The following WDR64 variants were observed in gnomAD, a reference collection of about 807,000 sequenced individuals.
WDR64 encodes WD repeat-containing protein 64.
In WDR64, 112 loss-of-function variants were observed where a neutral mutation model predicts 139.3. The observed-to-expected ratio is 0.80, with a 90% confidence interval of 0.69 to 0.94. WDR64 has a LOEUF of 0.94. Among genes scored for constraint, WDR64 ranks in the 40% least tolerant of loss-of-function variants. The pLI is 0.00. For synonymous variants in WDR64, 444 were observed against 437.7 expected, an observed-to-expected ratio of 1.01 and a Z score of -0.18; for missense variants, 1,206 against 1,293.1, an observed-to-expected ratio of 0.93 and a Z score of 1.03.
At chr1:241,653,543 CTTTT>C (rs33934176) in intron 1 of WDR64, among the ~76,000 whole-genome samples, 6 of 137,120 alleles carry the variant, frequency 4.4e-5, no homozygotes, top group East Asian at 2.1e-4. Flanking sequence ...CTTTTCTTTT[CTTTT>C]TTTTTTTTTT....
At chr1:241,658,284 GGTGTGTGTGTGT>G (rs56011225) in intron 1 of WDR64, among the ~76,000 whole-genome samples, 1 of 147,164 alleles carries the variant, frequency 6.8e-6, no homozygotes, top group African/African-American at 2.5e-5. Flanking sequence ...TTCAAGCAAT[GGTGTGTGTGTGT>G]GTGTGTGTGT....
rs12036401 is a variant in WDR64 at position 241,687,604 on chromosome 1, A to G, written c.974+9A>G. On this transcript the variant is annotated intron_variant, in intron 8 of 27. Coordinates refer to ENST00000437684, the MANE Select transcript of WDR64 (RefSeq NM_001367482.1). The stretch of plus-strand genomic sequence containing the variant: ...AGACTCGAGGATAATTTGTAAGTAT[A>G]GTAATTTATATACATGAACAGTCTG... The G allele has an allele frequency of 3.7e-5, 60 of 1,608,878 alleles. No individual in the cohort carries two copies. In the East Asian group the frequency reaches 1.3e-3, roughly 35 times the overall value.
chr1:241,692,864 C>G (rs1667351143), intron 8 of WDR64, among the ~76,000 whole-genome samples: 1 of 152,028 alleles, frequency 6.6e-6, no homozygotes, highest in African/African-American at 2.4e-5. Flanking sequence ...AAATAAGATA[C>G]CAGTACATAC....
rs189154427 is a variant in WDR64 at position 241,682,998 on chromosome 1, T to A, written c.625-489T>A. Among the ~76,000 whole-genome samples the A allele has an allele frequency of 9.8e-5, 15 of 152,312 alleles. No homozygotes were observed. The East Asian group carries it at 2.9e-3, about 29-fold the overall frequency. ...GAAGAGCAATAGCTGTATAGCTTAG[T>A]GGCCCCATTCAATAGTACAAAATAA... On this transcript the variant is annotated intron_variant, in intron 6 of 27. Coordinates refer to ENST00000437684, the MANE Select transcript of WDR64 (RefSeq NM_001367482.1).
intron 2 of WDR64, among the ~76,000 whole-genome samples, chr1:241,667,306 C>A (rs930457087): frequency 2.0e-5 from 3 of 152,132 alleles, no homozygotes; most frequent in African/African-American, 7.2e-5. Context: ...GTCTACTTTG[C>A]GTAAGTCCTT....
In WDR64 at chr1:241,703,825, G is replaced by A. The variant is rs1264424958; in HGVS notation, c.975-7977G>A. ...TACAATCATGGCGGAAGGTGAAAGGGAAGCAAGGACCTTCTTCACATGATG... is the reference window on the plus strand; with the variant it reads ...TACAATCATGGCGGAAGGTGAAAGGAAAGCAAGGACCTTCTTCACATGATG... On this transcript the variant is annotated intron_variant, in intron 8 of 27. Transcript: ENST00000437684. This position sits in a 1 kb window ranked among gnomAD's most constrained non-coding sequence, Gnocchi z 5.9. Among the ~76,000 whole-genome samples the A allele has an allele frequency of 1.3e-5, 2 of 152,146 alleles. No homozygotes were observed. The highest frequency in any genetic ancestry group is 2.9e-5 in the Non-Finnish European group (2 of 68,024).
chr1:241,795,292 G>C lies in WDR64; in HGVS notation c.3078+5G>C, dbSNP rs1659331785. 6.2e-7 allele frequency: 1 copy of C among 1,611,060 alleles called. No individual in the cohort carries two copies. Among genetic ancestry groups the C allele is most frequent in the African/African-American group, 1.3e-5 (1 of 74,832 alleles). On this transcript the variant is annotated splice_donor_5th_base_variant and intron_variant, in intron 26 of 27. Coordinates refer to ENST00000437684, the MANE Select transcript of WDR64 (RefSeq NM_001367482.1). ...GGCTCTCTGCCTATATACAGTGTGAGTTGGAGTTTCTAGGAGTAGAGGGGT... is the reference window on the plus strand; with the variant it reads ...GGCTCTCTGCCTATATACAGTGTGACTTGGAGTTTCTAGGAGTAGAGGGGT...
chr1:241,699,399 A>G (rs1041358075), intron 8 of WDR64, among the ~76,000 whole-genome samples: 16 of 152,212 alleles, frequency 1.1e-4, no homozygotes, highest in Non-Finnish European at 2.2e-4. Context: ...GAATTACTAA[A>G]TTTAAGACAC....
chr1:241,728,610 C>T (rs1382714518), intron 10 of WDR64, among the ~76,000 whole-genome samples: 1 of 152,126 alleles, frequency 6.6e-6, no homozygotes, highest in Non-Finnish European at 1.5e-5. Context: ...CTTTCTTCCC[C>T]AACTGCTAAA....
At chr1:241,670,232 AT>A (rs199829964) in intron 2 of WDR64, among the ~76,000 whole-genome samples, 13 of 151,462 alleles carry the variant, frequency 8.6e-5, no homozygotes, top group East Asian at 3.9e-4. Flanking sequence ...CTTCCTCACA[AT>A]TTTTTTTTCA....
intron 27 of WDR64, among the ~76,000 whole-genome samples, chr1:241,797,849 G>A (rs1054104941): frequency 1.3e-5 from 2 of 150,646 alleles, no homozygotes; most frequent in Non-Finnish European, 3.0e-5. Flanking sequence ...TTTTCTGCAC[G>A]ACTCTGTGCA....
At chr1:241,689,391 C>T (rs937636710) in intron 8 of WDR64, among the ~76,000 whole-genome samples, 4 of 151,960 alleles carry the variant, frequency 2.6e-5, no homozygotes, top group Non-Finnish European at 5.9e-5. Context: ...TAAAAAGATG[C>T]AGAAAGATAT....
chr1:241,790,720 A>G (rs1173532909), intron 25 of WDR64, 24 bp downstream of exon 25: 3 of 1,344,308 alleles, frequency 2.2e-6, no homozygotes, highest in Non-Finnish European at 2.1e-6. Context: ...AAAAAAAAAA[A>G]AGAAATGGCA....
At chr1:241,730,685 TTAATATGTCAAC>T (rs1401190486) in intron 10 of WDR64, among the ~76,000 whole-genome samples, 1 of 152,212 alleles carries the variant, frequency 6.6e-6, no homozygotes, top group Non-Finnish European at 1.5e-5. Context: ...TTCTACTGCA[TTAATATGTCAAC>T]CAATATATGA....
intron 10 of WDR64, among the ~76,000 whole-genome samples, chr1:241,732,407 C>T (rs1669119312): frequency 6.6e-6 from 1 of 152,112 alleles, no homozygotes; most frequent in African/African-American, 2.4e-5. Context: ...TCTGTAACAC[C>T]TAGGCTAGAA....
intron 8 of WDR64, among the ~76,000 whole-genome samples, chr1:241,706,048 A>G (rs1249883582): frequency 6.6e-6 from 1 of 152,180 alleles, no homozygotes; most frequent in Non-Finnish European, 1.5e-5. Flanking sequence ...CTGTCTTAGG[A>G]AAAATTTAGT....
chr1:241,761,125 T>C (rs973357039), intron 15 of WDR64, among the ~76,000 whole-genome samples: 2 of 152,172 alleles, frequency 1.3e-5, no homozygotes, highest in South Asian at 2.1e-4. Context: ...GTGTATATTA[T>C]AGTCAAAACT....
chr1:241,670,965 G>A (rs1666203309), intron 2 of WDR64, 109 bp from the exon 3 acceptor site: 2 of 735,184 alleles, frequency 2.7e-6, no homozygotes, highest in African/African-American at 3.6e-5. Flanking sequence ...AAAGCAGGGT[G>A]CTGGCTGTTA....
At chr1:241,796,393 G>A (rs371071405) in intron 27 of WDR64, 23 bp downstream of exon 27, 26 of 1,465,646 alleles carry the variant, frequency 1.8e-5, no homozygotes, top group Non-Finnish European at 2.3e-5. Context: ...TAATTCCACC[G>A]TTAACTCCAA....
Sources: gnomAD v4.1 joint callset for allele counts (sites outside exome capture counted in the v4.1 genomes callset) on GRCh38, gnomAD v4.1.1 for gene constraint, Gnocchi (gnomAD v3.1) non-coding constraint, MANE v1.5 for transcripts, NCBI Gene and HGNC (gene_info 2026-07-23, HGNC 2026-07-21) for gene names.